The following LRRC37A variants were observed in gnomAD, a reference collection of about 807,000 sequenced individuals.
LRRC37A encodes the protein leucine rich repeat containing 37A, also known as leucine-rich repeat-containing protein 37A.
Under a neutral mutation model 35.4 loss-of-function variants are expected in LRRC37A, and 3 were observed. That is an observed-to-expected ratio of 0.08 (90% CI 0.04 to 0.22). The LOEUF is 0.22. Ranked by LOEUF, LRRC37A falls within the 10% of genes least tolerant of loss-of-function variation. The pLI, the probability that LRRC37A is intolerant of heterozygous loss-of-function variation, is 1.00. For missense variants in LRRC37A, 67 were observed against 565.3 expected (o/e 0.12, Z 8.94); for synonymous variants, 23 against 215.0 (o/e 0.11, Z 7.81).
At chr17:46,268,792 A>G in the LRRC37A span, 7 of 890,134 alleles carry the variant, frequency 7.9e-6, no homozygotes, top group East Asian at 2.5e-4. Context: ...AAGAGAGCCC[A>G]AAGCTACTCT....
upstream of LRRC37A, among the ~76,000 whole-genome samples, chr17:46,288,205 G>A (rs2049969953): frequency 6.6e-6 from 1 of 151,924 alleles, no homozygotes; most frequent in Non-Finnish European, 1.5e-5. Flanking sequence ...GCAGGGGCAG[G>A]ATCACGGCCC....
the LRRC37A span, chr17:46,260,671 TG>T: frequency 2.3e-6 from 3 of 1,330,562 alleles, no homozygotes; most frequent in South Asian, 4.0e-5. Flanking sequence ...TTCTCCAGGC[TG>T]GAGTGCAATG....
chr17:46,266,012 G>A, the LRRC37A span, among the ~76,000 whole-genome samples: 1 of 152,176 alleles, frequency 6.6e-6, no homozygotes, highest in African/African-American at 2.4e-5. Context: ...CACGAGAATC[G>A]CTTGAACCCG....
intron 5 of LRRC37A, among the ~76,000 whole-genome samples, chr17:46,316,558 C>T (rs2051118359): frequency 1.5e-5 from 1 of 65,798 alleles, no homozygotes; most frequent in Admixed American, 1.6e-4. Flanking sequence ...ACCTCAGCCT[C>T]CTGGGTAGCT....
At chr17:46,265,883 G>T in the LRRC37A span, among the ~76,000 whole-genome samples, 149 of 152,344 alleles carry the variant, frequency 9.8e-4, 1 homozygote, top group Middle Eastern at 0.014. Context: ...GATGGCTTGA[G>T]GTCGGGCGTT....
At chr17:46,317,164 C>A (rs1487542218) in intron 5 of LRRC37A, among the ~76,000 whole-genome samples, 1 of 90,008 alleles carries the variant, frequency 1.1e-5, no homozygotes, top group African/African-American at 3.0e-5. Context: ...GGCAGAGGCG[C>A]TCCTCACATC....
At chr17:46,253,032 A>G in the LRRC37A span, among the ~76,000 whole-genome samples, 33 of 105,050 alleles carry the variant, frequency 3.1e-4, 5 homozygotes, top group Non-Finnish European at 3.3e-4. Context: ...CTTCTCAGAC[A>G]GGGCGGTTGC....
chr17:46,267,498 C>G, the LRRC37A span: 15 of 1,612,536 alleles, frequency 9.3e-6, no homozygotes, highest in African/African-American at 2.0e-4. Flanking sequence ...TGCAATAAAC[C>G]GTGTCCAGAG....
upstream of LRRC37A, among the ~76,000 whole-genome samples, chr17:46,291,734 G>C (rs575865023): frequency 6.6e-6 from 1 of 151,860 alleles, no homozygotes; most frequent in Non-Finnish European, 1.5e-5. Flanking sequence ...AGACCAGCCT[G>C]GGCAACATGG....
At chr17:46,311,653 G>T in intron 5 of LRRC37A, among the ~76,000 whole-genome samples, 1 of 89,066 alleles carries the variant, frequency 1.1e-5, no homozygotes, top group Admixed American at 1.2e-4. Flanking sequence ...TATTTTGTGA[G>T]CTACCTTTAT....
chr17:46,253,278 G>T, the LRRC37A span, among the ~76,000 whole-genome samples: 1 of 150,604 alleles, frequency 6.6e-6, no homozygotes, highest in African/African-American at 2.4e-5. Context: ...ATGGCGGCCG[G>T]GCAGAGACGC....
At chr17:46,291,896 G>A (rs1366716330), upstream of LRRC37A, among the ~76,000 whole-genome samples, 6 of 151,364 alleles carry the variant, frequency 4.0e-5, no homozygotes, top group Non-Finnish European at 8.8e-5. Context: ...GGTAGGGGGA[G>A]GCTGCGATGG....
chr17:46,275,987 T>A, the LRRC37A span, among the ~76,000 whole-genome samples: 1 of 152,190 alleles, frequency 6.6e-6, no homozygotes, highest in Non-Finnish European at 1.5e-5. Flanking sequence ...GCCTCCCAGA[T>A]TCAAGCGATT....
intron 3 of LRRC37A, among the ~76,000 whole-genome samples, chr17:46,304,918 G>A (rs2050470093): frequency 1.5e-5 from 1 of 68,388 alleles, no homozygotes; most frequent in Non-Finnish European, 4.5e-5. Context: ...GCCCAGGCTG[G>A]AGTGCAGTGG....
At chr17:46,259,729 A>T in the LRRC37A span, 1 of 1,580,882 alleles carries the variant, frequency 6.3e-7, no homozygotes, top group Non-Finnish European at 8.6e-7. Context: ...ATGCCCAGGA[A>T]TCACCACCTG....
At chr17:46,322,098 TC>T (rs2051418371) in intron 5 of LRRC37A, among the ~76,000 whole-genome samples, 1 of 45,240 alleles carries the variant, frequency 2.2e-5, no homozygotes, top group Non-Finnish European at 6.8e-5. Flanking sequence ...ACTTTTTTTT[TC>T]CTTGTAGTTC....
chr17:46,332,874 C>G (rs552142019), intron 10 of LRRC37A, among the ~76,000 whole-genome samples: 2 of 150,348 alleles, frequency 1.3e-5, no homozygotes, highest in African/African-American at 5.0e-5. Context: ...TGAATTGAAA[C>G]CAAGTGAATC....
the LRRC37A span, among the ~76,000 whole-genome samples, chr17:46,249,077 C>T: frequency 3.3e-5 from 5 of 152,150 alleles, no homozygotes; most frequent in African/African-American, 1.2e-4. Context: ...TATATACAAA[C>T]ATTATGTCAT....
chr17:46,249,674 G>C, the LRRC37A span, among the ~76,000 whole-genome samples: 2 of 152,160 alleles, frequency 1.3e-5, no homozygotes, highest in African/African-American at 2.4e-5. Flanking sequence ...AACCACTAAA[G>C]AGACAGGAGG....
Sources: gnomAD v4.1 joint callset for allele counts (sites outside exome capture counted in the v4.1 genomes callset) on GRCh38, gnomAD v4.1.1 for gene constraint, MANE v1.5 for transcripts, NCBI Gene and HGNC (gene_info 2026-07-23, HGNC 2026-07-21) for gene names.